HECTD4: variants seen among roughly 807,000 people sequenced by gnomAD.
HECTD4 encodes HECT domain E3 ubiquitin protein ligase 4.
HECTD4 carries 114 observed loss-of-function variants against 471.5 expected under a neutral mutation model. The ratio of observed to expected loss-of-function variants is 0.24; its 90% CI spans 0.21 to 0.28. The LOEUF is 0.28. HECTD4 is among the 10% of genes least tolerant of loss of function. HECTD4 has a pLI of 1.00. For synonymous variants in HECTD4, 2,012 were observed against 2,256.0 expected, an observed-to-expected ratio of 0.89 and a Z score of 3.07; for missense variants, 3,866 against 5,651.5, an observed-to-expected ratio of 0.68 and a Z score of 10.13.
At chr12:112,340,415 G>A (rs1407025911) in intron 1 of HECTD4, among the ~76,000 whole-genome samples, 4 of 146,346 alleles carry the variant, frequency 2.7e-5, no homozygotes, top group Admixed American at 2.7e-4. Context: ...GCTATTGCTT[G>A]TCTGGGAGAC....
chr12:112,296,610 T>TGG (rs1460808547), intron 7 of HECTD4, among the ~76,000 whole-genome samples: 1 of 147,030 alleles, frequency 6.8e-6, no homozygotes, highest in African/African-American at 2.6e-5. Context: ...GCAGAGGAAG[T>TGG]AGGTGCATTG....
intron 1 of HECTD4, chr12:112,321,949 G>T: frequency 6.6e-6 from 1 of 151,822 alleles, no homozygotes. Flanking sequence ...ACAAAGAAAT[G>T]GTAAGCTAGG....
chr12:112,378,560 A>G (rs1188162541), intron 1 of HECTD4, among the ~76,000 whole-genome samples: 1 of 152,064 alleles, frequency 6.6e-6, no homozygotes, highest in Non-Finnish European at 1.5e-5. Context: ...CTTCTGCAGT[A>G]AGGTTGCCAG....
chr12:112,184,441 C>A lies in HECTD4; in HGVS notation c.10525G>T (p.Val3509Leu), dbSNP rs1207059882. ...TCGAGGCCGGCAGGCAGCGGATCCA[C>A]AGAGAGGTCGCTGACGGTTTGGGAG... ...GISQTVSDLS[V>L]DPLPAGLELP... The change falls in exon 61 of 76, where the codon GTG (valine) becomes TTG (leucine). Residue 3509 changes from valine (V) to leucine (L), a missense_variant. Coordinates refer to ENST00000682272, the MANE Select transcript of HECTD4 (RefSeq NM_001388303.1). The surrounding 1 kb of genome is among the most constrained non-coding windows in gnomAD (Gnocchi z 9.1). 1 of 1,606,158 alleles carries A rather than the reference C, an allele frequency of 6.2e-7. No homozygotes were observed.
At chr12:112,359,574 A>G (rs2036412854) in intron 1 of HECTD4, among the ~76,000 whole-genome samples, 1 of 152,110 alleles carries the variant, frequency 6.6e-6, no homozygotes, top group African/African-American at 2.4e-5. Flanking sequence ...GCCTGCCACC[A>G]TGTCCAGCTA....
intron 1 of HECTD4, among the ~76,000 whole-genome samples, chr12:112,349,499 TTTCC>T (rs1455796385): frequency 1.3e-5 from 2 of 152,144 alleles, no homozygotes; most frequent in East Asian, 3.8e-4. Context: ...TTGCATGTTA[TTTCC>T]TTATCAAGTT....
intron 62 of HECTD4, among the ~76,000 whole-genome samples, chr12:112,180,966 T>TAA (rs1201169489): frequency 1.4e-4 from 20 of 140,390 alleles, no homozygotes; most frequent in African/African-American, 4.2e-4. Context: ...ACTTGTCAGC[T>TAA]AAAAAAAAAA....
In HECTD4 at chr12:112,273,646, G is replaced by A. The variant is rs1242732337; in HGVS notation, c.1942+9C>T. The A allele has an allele frequency of 1.2e-6, 2 of 1,613,058 alleles. No individual in the cohort carries two copies. Among genetic ancestry groups the A allele is most frequent in the Admixed American group, 1.7e-5 (1 of 59,986 alleles). On this transcript the variant is annotated intron_variant, in intron 11 of 75. Transcript: ENST00000682272. The stretch of plus-strand genomic sequence containing the variant: ...AATCTTTTCCTGCAAGACCCTGAGT[G>A]CACCTCACCTTTGGGCTCAGTGATA...
chr12:112,310,079 T>C (rs988133001), intron 4 of HECTD4, among the ~76,000 whole-genome samples: 5 of 152,220 alleles, frequency 3.3e-5, no homozygotes, highest in African/African-American at 9.6e-5. Context: ...TGAGCTCTTA[T>C]GAGCTCAGTA....
At chr12:112,362,648 G>A (rs2036472152) in intron 1 of HECTD4, among the ~76,000 whole-genome samples, 1 of 152,084 alleles carries the variant, frequency 6.6e-6, no homozygotes, top group African/African-American at 2.4e-5. Context: ...AGGCAGGTGG[G>A]GAGCGTTATG....
intron 71 of HECTD4, 80 bp downstream of exon 71, chr12:112,167,734 G>T: frequency 1.5e-6 from 2 of 1,310,298 alleles, no homozygotes; most frequent in Non-Finnish European, 2.2e-6. Flanking sequence ...GCTTTGATGA[G>T]ACACACACTG....
At chr12:112,367,820 CAAAAAAAAAAAAAAAAAA>C (rs59590181) in intron 1 of HECTD4, among the ~76,000 whole-genome samples, 1 of 12,564 alleles carries the variant, frequency 8.0e-5, no homozygotes, top group African/African-American at 1.8e-4. Flanking sequence ...GACTCCATCT[CAAAAAAAAAAAAAAAAAA>C]AAAAAAAAAA....
At position 112,163,813 on chromosome 12, in the gene HECTD4, G is replaced by A. The variant is rs1451913886; in HGVS notation, c.12702-76C>T. ...GTCTGGGGGCCACACCCACTCAGCT[G>A]GAGGTCCCGGATCCTCTCTTGGGAG... On this transcript the variant is annotated intron_variant, in intron 73 of 75. Transcript: ENST00000682272. This position sits in a 1 kb window ranked among gnomAD's most constrained non-coding sequence, Gnocchi z 8.2. 7.9e-7 allele frequency: 1 copy of A among 1,273,124 alleles called. No individual in the cohort carries two copies. Among genetic ancestry groups the A allele is most frequent in the Non-Finnish European group, 1.0e-6 (1 of 963,510 alleles). The allele number at this position is 1,273,124 out of a possible 1,614,324, so 78.9% of individuals were successfully genotyped here. A position where few individuals can be genotyped will look rare whatever the true frequency, so the allele number is the denominator to read the frequency against.
Position 112,184,816 on chromosome 12 carries a change from C to A in HECTD4, c.10150G>T (p.Asp3384Tyr). The A allele has an allele frequency of 2.5e-6, 4 of 1,609,386 alleles. No individual in the cohort carries two copies. The highest frequency in any genetic ancestry group is 3.4e-6 in the Non-Finnish European group (4 of 1,176,970). ...GLGVTSDAIADACQALVGPTA... is the reference protein window; with the variant it reads ...GLGVTSDAIAYACQALVGPTA... ...GGGCCCACCAGGGCCTGGCAGGCAT[C>A]GGCGATGGCGTCACTCGTCACGCCC... The change falls in exon 61 of 76, where the codon GAT becomes TAT. Residue 3384 changes from aspartate to tyrosine, a missense_variant. Physicochemically the swap from Asp to Tyr is radical, Grantham distance 160. Around this residue, in one of 16 missense-constraint regions of HECTD4, gnomAD observed 71 missense variants for 144.5 expected, o/e 0.49. Transcript: ENST00000682272. This position sits in a 1 kb window ranked among gnomAD's most constrained non-coding sequence, Gnocchi z 9.1.
At position 112,213,701 on chromosome 12, in the gene HECTD4, T is replaced by C. The variant is rs200912880; in HGVS notation, c.7466-1051A>G. Reference sequence around the variant, plus strand: ...ACTCCGTCTCAAAAAAATATATACATATATATATATATATATATAATATAT... The same window carrying C: ...ACTCCGTCTCAAAAAAATATATACACATATATATATATATATATAATATAT... On this transcript the variant is annotated intron_variant, in intron 48 of 75. Coordinates refer to ENST00000682272, the MANE Select transcript of HECTD4 (RefSeq NM_001388303.1). This position sits in a 1 kb window ranked among gnomAD's most constrained non-coding sequence, Gnocchi z 4.0. 1.0e-5 allele frequency among the ~76,000 whole-genome samples: 1 copy of C among 95,594 alleles called. No individual in the cohort carries two copies. The highest frequency in any genetic ancestry group is 1.2e-4 in the Admixed American group (1 of 8,388). The allele number at this position is 95,594 out of a possible 152,430, so 62.7% of individuals were successfully genotyped here. A position where few individuals can be genotyped will look rare whatever the true frequency, so the allele number is the denominator to read the frequency against.
chr12:112,202,959 T>C (rs1566070742), intron 54 of HECTD4: 1 of 152,288 alleles, frequency 6.6e-6, no homozygotes, highest in East Asian at 1.9e-4. Context: ...TTTCTTTTTT[T>C]TTTCCTTTGG....
intron 52 of HECTD4, among the ~76,000 whole-genome samples, chr12:112,205,174 G>A (rs1413425459): frequency 1.3e-5 from 2 of 149,474 alleles, no homozygotes; most frequent in Non-Finnish European, 3.0e-5. Context: ...AGTGGCTCAC[G>A]CCTATAATCC....
chr12:112,164,011 G>T, intron 73 of HECTD4, 98 bp downstream of exon 73: 1 of 1,250,062 alleles, frequency 8.0e-7, no homozygotes. Context: ...ACCTGACCTA[G>T]GTCCTCGTGT....
At chr12:112,297,600 A>G (rs2035069057) in intron 7 of HECTD4, among the ~76,000 whole-genome samples, 1 of 152,002 alleles carries the variant, frequency 6.6e-6, no homozygotes, top group Non-Finnish European at 1.5e-5. Context: ...TCTGGCCAGC[A>G]CTGGAAAGAC....
Sources: gnomAD v4.1 joint callset for allele counts (sites outside exome capture counted in the v4.1 genomes callset) on GRCh38, gnomAD v4.1.1 for gene constraint, gnomAD v4.1.1 regional missense constraint, Gnocchi (gnomAD v3.1) non-coding constraint, MANE v1.5 for transcripts, NCBI Gene and HGNC (gene_info 2026-07-23, HGNC 2026-07-21) for gene names.